The following MROH2A variants were observed in gnomAD, a reference collection of about 807,000 sequenced individuals.
The protein encoded by MROH2A is maestro heat-like repeat-containing protein family member 2A.
Under a neutral mutation model 200.4 loss-of-function variants are expected in MROH2A, and 174 were observed. The ratio of observed to expected loss-of-function variants is 0.87; its 90% CI spans 0.77 to 0.98. The LOEUF (loss-of-function observed/expected upper bound fraction) is 0.98. MROH2A is among the 50% of genes least tolerant of loss of function. The pLI is 0.00. For missense variants in MROH2A, 2,045 were observed against 2,139.6 expected, an observed-to-expected ratio of 0.96 and a Z score of 0.87; for synonymous variants, 829 against 840.4, an observed-to-expected ratio of 0.99 and a Z score of 0.23.
chr2:233,779,707 T>C lies in MROH2A; in HGVS notation c.131T>C (p.Ile44Thr), dbSNP rs376043435. The change falls in exon 3 of 42, where the codon ATT becomes ACT. Residue 44 changes from isoleucine (I) to threonine (T), a missense_variant. By Grantham distance (89) the Ile-to-Thr change is moderately conservative. Around this residue, in one of 3 missense-constraint regions of MROH2A, gnomAD observed 831 missense variants for 800.0 expected, o/e 1.04. Transcript: ENST00000389758. ...CAAGTCGTGAACCTTCTGGACATCA[T>C]TGACAGCGAGTCAGCAAAGACGGAC... Reference protein sequence around the residue: ...FQQVVNLLDIIDSESAKTDTT... With the variant: ...FQQVVNLLDITDSESAKTDTT... The C allele has an allele frequency of 1.8e-4, 286 of 1,551,190 alleles. 1 individual carries two copies. The South Asian group carries it at 2.4e-3, about 13-fold the overall frequency.
Position 233,796,272 on chromosome 2 carries a change from T to A in MROH2A, c.1211T>A (p.Val404Glu). Residue 404 changes from valine (V) to glutamate (E), a missense_variant, in exon 11 of 42, where the codon GTG (valine) becomes GAG (glutamate). By Grantham distance (121) the Val-to-Glu change is moderately radical. Transcript: ENST00000389758. ...GAGACAAACAAGGAGGCCGTCCGCG[T>A]GGGGACTCTGAATCTGATTAGGGCT... ...QMETNKEAVRVGTLNLIRAIV... is the reference protein window; with the variant it reads ...QMETNKEAVREGTLNLIRAIV... The A allele has an allele frequency of 6.6e-7, 1 of 1,506,756 alleles. No individual in the cohort carries two copies. Among genetic ancestry groups the A allele is most frequent in the South Asian group, 1.2e-5 (1 of 83,316 alleles). 93.3% of individuals were successfully genotyped at this position (1,506,756 alleles called of 1,614,324 possible).
At position 233,788,024 on chromosome 2, in the gene MROH2A, ATATAT is replaced by A. The variant is rs1324500748; in HGVS notation, c.277-1467_277-1463del. 2.8e-4 allele frequency among the ~76,000 whole-genome samples: 22 copies of A among 78,482 alleles called. 1 individual carries two copies. The highest frequency in any genetic ancestry group is 1.2e-3 in the African/African-American group (21 of 17,338). The allele number at this position is 78,482 out of a possible 152,430, so 51.5% of individuals were successfully genotyped here. A position where few individuals can be genotyped will look rare whatever the true frequency, so the allele number is the denominator to read the frequency against. On this transcript the variant is annotated intron_variant, in intron 3 of 41. Coordinates refer to ENST00000389758, the MANE Select transcript of MROH2A (RefSeq NM_001394639.1). ...ATATATACATATATATTATATATAC[ATATAT>A]TATATATATACATATATATTATATA...
intron 5 of MROH2A, 76 bp from the exon 6 acceptor site, chr2:233,792,720 C>T: frequency 1.1e-6 from 1 of 896,016 alleles, no homozygotes. Context: ...TGGAGGGCAG[C>T]AGGGTTGTCC....
At chr2:233,784,070 T>G (rs1487277863) in intron 3 of MROH2A, among the ~76,000 whole-genome samples, 2 of 152,172 alleles carry the variant, frequency 1.3e-5, no homozygotes, top group East Asian at 3.8e-4. Flanking sequence ...TCTCTTGCCC[T>G]TCTTTAAATT....
At chr2:233,826,733 A>T (rs965420823) in intron 35 of MROH2A, among the ~76,000 whole-genome samples, 1 of 152,220 alleles carries the variant, frequency 6.6e-6, no homozygotes, top group East Asian at 1.9e-4. Flanking sequence ...GGATCTAATT[A>T]AACTAAGGAG....
At chr2:233,789,376 A>C in intron 3 of MROH2A, 121 bp from the exon 4 acceptor site, 7 of 1,043,464 alleles carry the variant, frequency 6.7e-6, no homozygotes, top group African/African-American at 1.7e-5. Context: ...ATGGGGATCT[A>C]AGATTTGTGT....
chr2:233,819,240 TG>T, intron 29 of MROH2A, 76 bp from the exon 30 acceptor site: 2 of 1,401,812 alleles, frequency 1.4e-6, no homozygotes, highest in South Asian at 1.4e-5. Flanking sequence ...GGCCATGGGG[TG>T]GGACAGGGGA....
At position 233,829,076 on chromosome 2, in the gene MROH2A, A is replaced by AG. The variant is rs1704535174; in HGVS notation, c.4446+5dup. The AG allele has an allele frequency of 1.3e-5, 19 of 1,504,010 alleles. No homozygotes were observed. The highest frequency in any genetic ancestry group is 8.3e-5 in the African/African-American group (6 of 71,876). 93.2% of individuals were successfully genotyped at this position (1,504,010 alleles called of 1,614,324 possible). A position where few individuals can be genotyped will look rare whatever the true frequency, so the allele number is the denominator to read the frequency against. ...GTGCAGGATCTTCTTCGACAACGTGAGTCCGATGAGAGCCTCCCTGAGCTT... is the reference window on the plus strand; with the variant it reads ...GTGCAGGATCTTCTTCGACAACGTGAGGTCCGATGAGAGCCTCCCTGAGCTT... On this transcript the variant is annotated splice_donor_region_variant and intron_variant, in intron 37 of 41. Coordinates refer to ENST00000389758, the MANE Select transcript of MROH2A (RefSeq NM_001394639.1).
At chr2:233,817,211 C>T (rs990553556) in intron 27 of MROH2A, among the ~76,000 whole-genome samples, 1 of 152,180 alleles carries the variant, frequency 6.6e-6, no homozygotes, top group Non-Finnish European at 1.5e-5. Flanking sequence ...GCTGCAAAAT[C>T]ATAAATTTTG....
At chr2:233,831,320 G>C in intron 38 of MROH2A, 89 bp from the exon 39 acceptor site, 1 of 1,428,844 alleles carries the variant, frequency 7.0e-7, no homozygotes, top group Non-Finnish European at 9.2e-7. Context: ...GCTTTTCTGG[G>C]GCTGCCCTCT....
At position 233,804,156 on chromosome 2, in the gene MROH2A, G is replaced by A; in HGVS notation, c.1855G>A (p.Glu619Lys). 6.4e-7 allele frequency: 1 copy of A among 1,550,574 alleles called. No individual in the cohort carries two copies. The highest frequency in any genetic ancestry group is 8.7e-7 in the Non-Finnish European group (1 of 1,147,000). The change falls in exon 17 of 42, where the codon GAG becomes AAG. Residue 619 changes from glutamate (E) to lysine (K), a missense_variant. By Grantham distance (56) the Glu-to-Lys change is moderately conservative (BLOSUM62 1). This residue lies in a region of MROH2A where 831 missense variants were observed against 800.0 expected (regional missense o/e 1.04). Coordinates refer to ENST00000389758, the MANE Select transcript of MROH2A (RefSeq NM_001394639.1). ...SIAPSMADMW[E>K]LEIALLVRYL... Reference sequence around the variant, plus strand: ...CGCACCCTCCATGGCCGACATGTGGGAGCTGGAGATTGCGCTACTGGTCCG... The same window carrying A: ...CGCACCCTCCATGGCCGACATGTGGAAGCTGGAGATTGCGCTACTGGTCCG...
At chr2:233,782,350 T>C (rs955908978) in intron 3 of MROH2A, among the ~76,000 whole-genome samples, 5 of 152,220 alleles carry the variant, frequency 3.3e-5, no homozygotes, top group African/African-American at 9.6e-5. Flanking sequence ...CTTTCCATTT[T>C]TTGGTGTCTT....
Position 233,820,402 on chromosome 2 carries a change from A to C in MROH2A, c.3512+346A>C, listed in dbSNP as rs1286596074. On this transcript the variant is annotated intron_variant, in intron 31 of 41. Coordinates refer to ENST00000389758, the MANE Select transcript of MROH2A (RefSeq NM_001394639.1). The surrounding 1 kb of genome is among the most constrained non-coding windows in gnomAD (Gnocchi z 4.1). ...GGGCTGCAGGGTGCGGCTCCAAGGC[A>C]TGAGCAAGCCCTGGATATATTCCAG... Among the ~76,000 whole-genome samples the C allele has an allele frequency of 6.6e-6, 1 of 152,298 alleles. No homozygotes were observed. Among genetic ancestry groups the C allele is most frequent in the Non-Finnish European group, 1.5e-5 (1 of 68,000 alleles).
At chr2:233,816,753 A>G (rs1669343762) in intron 26 of MROH2A, 28 bp from the exon 27 acceptor site, 1 of 1,495,496 alleles carries the variant, frequency 6.7e-7, no homozygotes, top group Non-Finnish European at 9.1e-7. Flanking sequence ...TTTAACACCC[A>G]CTTTGGTGTT....
chr2:233,784,773 C>A (rs1344027742), intron 3 of MROH2A, among the ~76,000 whole-genome samples: 1 of 152,184 alleles, frequency 6.6e-6, no homozygotes, highest in African/African-American at 2.4e-5. Flanking sequence ...GAACCATGAA[C>A]CAAAATAAAC....
intron 33 of MROH2A, 135 bp downstream of exon 33, chr2:233,822,691 C>T (rs1305242384): frequency 1.6e-5 from 18 of 1,153,690 alleles, no homozygotes; most frequent in Middle Eastern, 2.2e-4. Flanking sequence ...ACTCAAAATG[C>T]CGTTCTCATG....
intron 3 of MROH2A, among the ~76,000 whole-genome samples, chr2:233,784,288 T>A (rs1701088224): frequency 6.6e-6 from 1 of 152,188 alleles, no homozygotes; most frequent in Non-Finnish European, 1.5e-5. Flanking sequence ...CTTAATTTCT[T>A]TATTGAACCA....
intron 3 of MROH2A, among the ~76,000 whole-genome samples, chr2:233,782,872 C>T (rs1024042625): frequency 3.9e-5 from 6 of 152,036 alleles, no homozygotes; most frequent in African/African-American, 7.2e-5. Flanking sequence ...CTTTTATTAT[C>T]GTGAGGTATG....
chr2:233,818,811 C>T (rs760161202), intron 29 of MROH2A, 41 bp downstream of exon 29: 28 of 1,360,922 alleles, frequency 2.1e-5, no homozygotes, highest in Non-Finnish European at 2.3e-5. Flanking sequence ...AGGCTGGTCT[C>T]AGGGCCCTTG....
Sources: allele counts gnomAD v4.1 joint callset (sites outside exome capture counted in the v4.1 genomes callset), GRCh38; gene constraint gnomAD v4.1.1; regional missense constraint gnomAD v4.1.1; non-coding constraint Gnocchi (gnomAD v3.1); transcripts MANE v1.5; gene names NCBI Gene and HGNC (gene_info 2026-07-23, HGNC 2026-07-21).